The following MMP16 variants were observed in gnomAD, a reference collection of about 807,000 sequenced individuals.
MMP16 encodes the protein matrix metallopeptidase 16, also known as matrix metalloproteinase-16.
A neutral mutation model predicts 67.8 loss-of-function variants in MMP16; 12 were observed. That is an observed-to-expected ratio of 0.18 (90% CI 0.11 to 0.29). The LOEUF is 0.29. Ranked by LOEUF, MMP16 falls within the 10% of genes least tolerant of loss-of-function variation. The probability of loss-of-function intolerance (pLI) is 1.00; values close to 1 mark genes in which losing one functional copy is unlikely to be tolerated. For synonymous variants in MMP16, 249 were observed against 255.9 expected (o/e 0.97, Z 0.26); for missense variants, 475 against 765.7 (o/e 0.62, Z 4.48).
intron 1 of MMP16, among the ~76,000 whole-genome samples, chr8:88,246,475 C>G (rs1255798190): frequency 6.6e-6 from 1 of 152,106 alleles, no homozygotes; most frequent in Non-Finnish European, 1.5e-5. Context: ...GATCTCATAT[C>G]AACTATTAAG....
At chr8:88,103,947 G>C (rs1186505467) in intron 6 of MMP16, among the ~76,000 whole-genome samples, 1 of 151,666 alleles carries the variant, frequency 6.6e-6, no homozygotes, top group Non-Finnish European at 1.5e-5. Flanking sequence ...TTGCTAGCCA[G>C]GTTAAATTAT....
intron 6 of MMP16, among the ~76,000 whole-genome samples, chr8:88,104,342 T>C (rs551580705): frequency 1.6e-4 from 24 of 151,868 alleles, no homozygotes; most frequent in Middle Eastern, 3.4e-3. Context: ...ATATTCTTCA[T>C]AATTAATGTT....
intron 6 of MMP16, among the ~76,000 whole-genome samples, chr8:88,091,768 A>C (rs982930886): frequency 1.3e-5 from 2 of 151,914 alleles, no homozygotes; most frequent in Admixed American, 6.6e-5. Context: ...GATAGCCACT[A>C]GCCATGTGTA....
chr8:88,096,692 C>T (rs1354504239), intron 6 of MMP16, among the ~76,000 whole-genome samples: 1 of 151,900 alleles, frequency 6.6e-6, no homozygotes, highest in Non-Finnish European at 1.5e-5. Flanking sequence ...GTCTTCCCAA[C>T]AGGCAATATG....
intron 6 of MMP16, among the ~76,000 whole-genome samples, chr8:88,075,981 T>TACTGA (rs1808644457): frequency 1.5e-5 from 1 of 68,288 alleles, no homozygotes; most frequent in Non-Finnish European, 3.1e-5. Context: ...ACACAAAATC[T>TACTGA]ACTGAGGATT....
chr8:88,289,300 T>C lies in MMP16; in HGVS notation c.132+37775A>G, dbSNP rs142510027. On this transcript the variant is annotated intron_variant, in intron 1 of 9. Transcript: ENST00000286614. ...ACAGACATTTTTGTTATCATCTTTGTATGTTACTATGCTGCCAAAATTTTC... is the reference window on the plus strand; with the variant it reads ...ACAGACATTTTTGTTATCATCTTTGCATGTTACTATGCTGCCAAAATTTTC... 1.1e-3 allele frequency among the ~76,000 whole-genome samples: 173 copies of C among 152,318 alleles called. 1 individual carries two copies. The South Asian group carries it at 0.02, about 17-fold the overall frequency.
intron 1 of MMP16, among the ~76,000 whole-genome samples, chr8:88,202,957 C>T (rs1167873663): frequency 6.6e-6 from 1 of 151,716 alleles, no homozygotes; most frequent in Non-Finnish European, 1.5e-5. Context: ...TCATGTGAGT[C>T]ACAGACTCAA....
At chr8:88,249,399 A>G (rs1212918967) in intron 1 of MMP16, among the ~76,000 whole-genome samples, 1 of 152,096 alleles carries the variant, frequency 6.6e-6, no homozygotes, top group African/African-American at 2.4e-5. Flanking sequence ...AAATGGTGAA[A>G]GGAAGCAGGG....
At chr8:88,123,577 A>G (rs1369836501) in intron 4 of MMP16, among the ~76,000 whole-genome samples, 1 of 151,620 alleles carries the variant, frequency 6.6e-6, no homozygotes, top group Non-Finnish European at 1.5e-5. Context: ...ATAAAATACT[A>G]TTTATTCAGC....
intron 1 of MMP16, among the ~76,000 whole-genome samples, chr8:88,301,365 TA>T (rs1270648682): frequency 1.3e-5 from 2 of 152,156 alleles, no homozygotes; most frequent in Admixed American, 6.6e-5. Flanking sequence ...CCCTGAAGTT[TA>T]ACTGTCTGAC....
intron 1 of MMP16, among the ~76,000 whole-genome samples, chr8:88,294,580 GTC>G (rs989551479): frequency 2.0e-5 from 3 of 151,314 alleles, no homozygotes; most frequent in East Asian, 3.9e-4. Context: ...ATGTATATAT[GTC>G]TCTATACACA....
At chr8:88,265,460 A>C (rs941505223) in intron 1 of MMP16, among the ~76,000 whole-genome samples, 1 of 152,102 alleles carries the variant, frequency 6.6e-6, no homozygotes, top group Non-Finnish European at 1.5e-5. Context: ...TCATAGTTTA[A>C]TGGGAGAGAA....
chr8:88,076,127 A>AT (rs1313397162), intron 6 of MMP16, among the ~76,000 whole-genome samples: 4 of 151,750 alleles, frequency 2.6e-5, no homozygotes, highest in Admixed American at 1.3e-4. Flanking sequence ...AACTTCTGTT[A>AT]TTTTTTTTAA....
intron 4 of MMP16, among the ~76,000 whole-genome samples, chr8:88,122,245 GT>G (rs1807852027): frequency 6.6e-6 from 1 of 151,534 alleles, no homozygotes; most frequent in African/African-American, 2.4e-5. Context: ...TCTAAAACTT[GT>G]TGAAACTCAG....
intron 4 of MMP16, among the ~76,000 whole-genome samples, chr8:88,122,558 A>G (rs1366812068): frequency 1.3e-5 from 2 of 152,002 alleles, no homozygotes; most frequent in African/African-American, 2.4e-5. Flanking sequence ...AAAATAGTAC[A>G]GTCCATATCT....
At chr8:88,127,943 C>A (rs543811108) in intron 4 of MMP16, among the ~76,000 whole-genome samples, 60 of 151,876 alleles carry the variant, frequency 4.0e-4, no homozygotes, top group African/African-American at 1.3e-3. Context: ...ACCACTGATA[C>A]GAAGCTGTTA....
At chr8:88,116,407 G>T in intron 6 of MMP16, 100 bp downstream of exon 6, 1 of 1,009,676 alleles carries the variant, frequency 9.9e-7, no homozygotes. Flanking sequence ...AACTGTGAGA[G>T]GGCTGGGAAG....
At chr8:88,154,869 C>G (rs1203340945) in intron 4 of MMP16, among the ~76,000 whole-genome samples, 1 of 89,522 alleles carries the variant, frequency 1.1e-5, no homozygotes, top group Non-Finnish European at 2.4e-5. Context: ...AAGTATAATA[C>G]AAAAAAAAAA....
rs28906373 is a variant in MMP16 at position 88,104,119 on chromosome 8, T to C, written c.1083+12388A>G. The stretch of plus-strand genomic sequence containing the variant: ...CAGTCTTCACATTTATAAAGCTTCT[T>C]TTATATCACTGTATTTTGAGCTACT... On this transcript the variant is annotated intron_variant, in intron 6 of 9. Coordinates refer to ENST00000286614, the MANE Select transcript of MMP16 (RefSeq NM_005941.5). Among the ~76,000 whole-genome samples the C allele has an allele frequency of 8.2e-3, 1,242 of 151,866 alleles. 14 individuals are homozygous for C. The highest frequency in any genetic ancestry group is 0.029 in the African/African-American group (1,188 of 41,508).
Sources: gnomAD v4.1 joint callset for allele counts (sites outside exome capture counted in the v4.1 genomes callset) on GRCh38, gnomAD v4.1.1 for gene constraint, MANE v1.5 for transcripts, NCBI Gene and HGNC (gene_info 2026-07-23, HGNC 2026-07-21) for gene names.